The following ZDHHC15 variants were observed in gnomAD, a reference collection of about 807,000 sequenced individuals.
ZDHHC15 encodes the protein palmitoyltransferase ZDHHC15.
ZDHHC15 carries 19 observed loss-of-function variants against 31.7 expected under a neutral mutation model. That is an observed-to-expected ratio of 0.60 (90% CI 0.42 to 0.88). ZDHHC15 has a LOEUF of 0.88. ZDHHC15 is among the 40% of genes least tolerant of loss of function. ZDHHC15 has a pLI of 0.00. For missense variants in ZDHHC15, 209 were observed against 251.2 expected (o/e 0.83, Z 1.14); for synonymous variants, 103 against 90.0 (o/e 1.14, Z -0.82).
rs745660680 is a variant in ZDHHC15 at position 75,407,659 on chromosome X, A to G, written c.967+9428T>C. Among the ~76,000 whole-genome samples, 6 of 88,917 alleles carry G rather than the reference A, an allele frequency of 6.7e-5. No individual in the cohort carries two copies. The South Asian group carries it at 3.2e-3, about 47-fold the overall frequency. 77.2% of individuals were successfully genotyped at this position (88,917 alleles called of 115,157 possible). On this transcript the variant is annotated intron_variant, in intron 10 of 11. Transcript: ENST00000373367. ...GGGGGCGCCTCTGCCTGGCCACCCC[A>G]TCTGGGAAGTGAGGAGCCCCTCTGC...
At chrX:75,510,694 T>A (rs2085254518) in intron 1 of ZDHHC15, among the ~76,000 whole-genome samples, 1 of 83,471 alleles carries the variant, frequency 1.2e-5, no homozygotes, top group Non-Finnish European at 2.3e-5. Flanking sequence ...TCATCTAGCA[T>A]TAGGTATATC....
At chrX:75,453,024 A>G (rs1478489583) in intron 3 of ZDHHC15, among the ~76,000 whole-genome samples, 2 of 111,953 alleles carry the variant, frequency 1.8e-5, no homozygotes, top group Non-Finnish European at 3.8e-5. Context: ...GTCAAGAAAT[A>G]ACTAAGATCA....
At chrX:75,462,808 C>T (rs1449408540) in intron 3 of ZDHHC15, among the ~76,000 whole-genome samples, 1 of 110,659 alleles carries the variant, frequency 9.0e-6, no homozygotes, top group African/African-American at 3.3e-5. Flanking sequence ...AATCCCCACA[C>T]CAAAAAGCTA....
intron 10 of ZDHHC15, among the ~76,000 whole-genome samples, chrX:75,389,182 G>T (rs1026100727): frequency 1.3e-4 from 15 of 111,738 alleles, no homozygotes; most frequent in African/African-American, 4.9e-4. Context: ...AATCAGATAA[G>T]AAATGCCAAT....
intron 9 of ZDHHC15, among the ~76,000 whole-genome samples, chrX:75,418,515 C>G (rs2083575897): frequency 8.9e-6 from 1 of 112,113 alleles, no homozygotes; most frequent in East Asian, 2.8e-4. Context: ...ACTACTTTCC[C>G]TGCATAATTG....
chrX:75,513,728 T>C (rs1244599283), intron 1 of ZDHHC15, among the ~76,000 whole-genome samples: 2 of 111,407 alleles, frequency 1.8e-5, no homozygotes, highest in East Asian at 2.8e-4. Context: ...TTCATACATT[T>C]GGTAAAAAAT....
chrX:75,520,202 T>C (rs1022565221), intron 1 of ZDHHC15, among the ~76,000 whole-genome samples: 1 of 112,233 alleles, frequency 8.9e-6, no homozygotes, highest in African/African-American at 3.2e-5. Context: ...GTACTTGGCA[T>C]GTAGCAGTGT....
intron 3 of ZDHHC15, among the ~76,000 whole-genome samples, chrX:75,469,737 C>T (rs2147955254): frequency 9.0e-6 from 1 of 111,442 alleles, no homozygotes; most frequent in African/African-American, 3.3e-5. Context: ...GGTATAAACC[C>T]AAAAGTGGAA....
intron 2 of ZDHHC15, among the ~76,000 whole-genome samples, chrX:75,495,095 AC>A (rs1464842200): frequency 4.5e-5 from 5 of 111,837 alleles, no homozygotes; most frequent in East Asian, 5.6e-4. Flanking sequence ...AAGAAAAAAA[AC>A]AACCCCATCA....
chrX:75,514,194 C>G (rs956806010), intron 1 of ZDHHC15, among the ~76,000 whole-genome samples: 8 of 112,495 alleles, frequency 7.1e-5, no homozygotes, highest in Non-Finnish European at 3.8e-5. Context: ...CACTGGTAAA[C>G]TATACAGGTA....
At chrX:75,466,329 T>C (rs1234612185) in intron 3 of ZDHHC15, among the ~76,000 whole-genome samples, 2 of 112,082 alleles carry the variant, frequency 1.8e-5, no homozygotes, top group Admixed American at 1.9e-4. Context: ...AGAATGCCTT[T>C]ACACTGTTGG....
chrX:75,464,132 G>T (rs1254635640), intron 3 of ZDHHC15, among the ~76,000 whole-genome samples: 1 of 111,620 alleles, frequency 9.0e-6, no homozygotes, highest in Non-Finnish European at 1.9e-5. Flanking sequence ...CATGTCCTTT[G>T]CAGGGACACG....
At chrX:75,508,701 T>C (rs2085210420) in intron 1 of ZDHHC15, among the ~76,000 whole-genome samples, 1 of 111,095 alleles carries the variant, frequency 9.0e-6, no homozygotes. Flanking sequence ...TTTCTAGTTC[T>C]AGATCCTTGA....
chrX:75,410,657 A>C (rs1344477734), intron 10 of ZDHHC15, among the ~76,000 whole-genome samples: 3 of 112,132 alleles, frequency 2.7e-5, no homozygotes, highest in Non-Finnish European at 5.6e-5. Context: ...TAGTACAGTC[A>C]CTATGGAAAA....
chrX:75,487,261 C>A (rs1165725405), intron 2 of ZDHHC15, among the ~76,000 whole-genome samples: 1 of 112,373 alleles, frequency 8.9e-6, no homozygotes, highest in African/African-American at 3.2e-5. Flanking sequence ...TAAGCAAGGA[C>A]TTCCACAGAG....
At chrX:75,472,917 TTGA>T (rs762246225) in intron 3 of ZDHHC15, among the ~76,000 whole-genome samples, 1,241 of 112,323 alleles carry the variant, frequency 0.011, 8 homozygotes, top group South Asian at 0.019. Flanking sequence ...TGGTGGCAGG[TTGA>T]TTATACTGGA....
intron 11 of ZDHHC15, among the ~76,000 whole-genome samples, chrX:75,374,687 G>GTATATA (rs3076274): frequency 2.2e-5 from 2 of 91,682 alleles, no homozygotes; most frequent in Non-Finnish European, 2.1e-5. Flanking sequence ...GTGTGTGTGT[G>GTATATA]TATATATATA....
chrX:75,377,663 G>A (rs936345286), intron 11 of ZDHHC15, among the ~76,000 whole-genome samples: 41 of 110,454 alleles, frequency 3.7e-4, no homozygotes, highest in African/African-American at 1.3e-3. Flanking sequence ...AAGTTCCTTA[G>A]CATATTAATG....
At chrX:75,393,303 T>C (rs938843813) in intron 10 of ZDHHC15, among the ~76,000 whole-genome samples, 3 of 111,111 alleles carry the variant, frequency 2.7e-5, no homozygotes, top group Admixed American at 9.6e-5. Flanking sequence ...CCCTCTGAAA[T>C]AAGACTCTCA....
Sources: gnomAD v4.1 joint callset for allele counts (sites outside exome capture counted in the v4.1 genomes callset) on GRCh38, gnomAD v4.1.1 for gene constraint, MANE v1.5 for transcripts, NCBI Gene and HGNC (gene_info 2026-07-23, HGNC 2026-07-21) for gene names.